Variants in CROCC2 observed in about 807,000 individuals in gnomAD.
The protein encoded by CROCC2 is ciliary rootlet coiled-coil protein 2.
CROCC2 carries 163 observed loss-of-function variants against 177.6 expected under a neutral mutation model. That is an observed-to-expected ratio of 0.92 (90% CI 0.81 to 1.05). The LOEUF (loss-of-function observed/expected upper bound fraction) is 1.05. CROCC2 is among the 50% of genes least tolerant of loss of function. The pLI is 0.00. For missense variants in CROCC2, 1,929 were observed against 1,797.8 expected, an observed-to-expected ratio of 1.07 and a Z score of -1.32; for synonymous variants, 904 against 787.3, an observed-to-expected ratio of 1.15 and a Z score of -2.48.
intron 2 of CROCC2, among the ~76,000 whole-genome samples, chr2:240,919,387 C>A (rs2059343561): frequency 6.6e-6 from 1 of 152,144 alleles, no homozygotes; most frequent in South Asian, 2.1e-4. Context: ...AGCACAGACG[C>A]CCACCCCCCT....
At chr2:240,954,324 A>G (rs1432757722) in intron 18 of CROCC2, among the ~76,000 whole-genome samples, 1 of 152,192 alleles carries the variant, frequency 6.6e-6, no homozygotes, top group African/African-American at 2.4e-5. Context: ...ACCATCCACA[A>G]GTCCGGGGGT....
chr2:240,919,824 G>A (rs940005411), intron 2 of CROCC2, among the ~76,000 whole-genome samples, 159 bp from the exon 3 acceptor site: 4 of 152,162 alleles, frequency 2.6e-5, no homozygotes, highest in African/African-American at 9.7e-5. Flanking sequence ...CTATGTTAGG[G>A]TCCCGGGCTC....
intron 19 of CROCC2, among the ~76,000 whole-genome samples, chr2:240,956,958 G>A (rs2059595122): frequency 2.0e-5 from 3 of 152,198 alleles, no homozygotes; most frequent in Admixed American, 2.0e-4. Flanking sequence ...CATAGATGCA[G>A]GAGTTACAGC....
chr2:240,975,159 T>C (rs1018543390), intron 27 of CROCC2, among the ~76,000 whole-genome samples: 2 of 152,196 alleles, frequency 1.3e-5, no homozygotes, highest in African/African-American at 4.8e-5. Context: ...CCAAGAAAAT[T>C]TTGAAAGTGA....
At chr2:240,907,472 G>A (rs1559585175) in intron 1 of CROCC2, among the ~76,000 whole-genome samples, 1 of 152,150 alleles carries the variant, frequency 6.6e-6, no homozygotes, top group Non-Finnish European at 1.5e-5. Context: ...CTTACTCATG[G>A]TTGCTTGTTA....
rs1175870585 is a variant in CROCC2, at chr2:240,953,615, T to C, written c.2830-2244T>C. On this transcript the variant is annotated intron_variant, in intron 18 of 31. Transcript: ENST00000690015. The surrounding 1 kb of genome is among the most constrained non-coding windows in gnomAD (Gnocchi z 4.0). ...GACCTCTGCTTGGCCAGCTGCCCTT[T>C]ATTCTTGGCGGCCTGTGTAGAGAAA... Among the ~76,000 whole-genome samples the C allele has an allele frequency of 6.6e-6, 1 of 152,168 alleles. No individual in the cohort carries two copies. The highest frequency in any genetic ancestry group is 1.9e-4 in the East Asian group (1 of 5,174).
chr2:240,910,829 T>C (rs2059282462), intron 1 of CROCC2, among the ~76,000 whole-genome samples: 1 of 152,256 alleles, frequency 6.6e-6, no homozygotes, highest in African/African-American at 2.4e-5. Context: ...TTCAGCCTTT[T>C]TAAAAATTTC....
rs1011058986 is a variant in CROCC2 at position 240,953,748 on chromosome 2, G to C, written c.2830-2111G>C. On this transcript the variant is annotated intron_variant, in intron 18 of 31. Transcript: ENST00000690015. This position sits in a 1 kb window ranked among gnomAD's most constrained non-coding sequence, Gnocchi z 4.0. ...AACAGTCTTTGGGGATCTTATTTCT[G>C]TAATGAAGAAGAGGAATTATATGTG... Among the ~76,000 whole-genome samples the C allele has an allele frequency of 1.3e-5, 2 of 152,166 alleles. No homozygotes were observed. The highest frequency in any genetic ancestry group is 4.8e-5 in the African/African-American group (2 of 41,422).
At chr2:240,915,087 G>C (rs1328962938) in intron 1 of CROCC2, among the ~76,000 whole-genome samples, 1 of 151,952 alleles carries the variant, frequency 6.6e-6, no homozygotes, top group Non-Finnish European at 1.5e-5. Context: ...GTGCGCTGTG[G>C]CTCCACCCCA....
At chr2:240,936,109 C>T (rs994609212) in intron 14 of CROCC2, among the ~76,000 whole-genome samples, 9 of 152,296 alleles carry the variant, frequency 5.9e-5, no homozygotes, top group South Asian at 2.1e-4. Context: ...ACTCAGATTC[C>T]GCAGCCCCCG....
intron 18 of CROCC2, among the ~76,000 whole-genome samples, chr2:240,952,001 T>C (rs2059559119): frequency 1.3e-5 from 2 of 152,180 alleles, no homozygotes; most frequent in African/African-American, 4.8e-5. Context: ...AATGGACACA[T>C]GAACACGTCC....
chr2:240,935,562 G>A lies in CROCC2; in HGVS notation c.2143G>A (p.Ala715Thr), dbSNP rs2059463741. The A allele has an allele frequency of 3.7e-6, 5 of 1,351,304 alleles. No individual in the cohort carries two copies. In the East Asian group the frequency reaches 9.0e-5, roughly 24 times the overall value. 83.7% of individuals were successfully genotyped at this position (1,351,304 alleles called of 1,614,324 possible). Reference protein sequence around the residue: ...GQAALLGREKAQLQEQVGQVT... With the variant: ...GQAALLGREKTQLQEQVGQVT... ...GGCAGCCCTGCTGGGGCGAGAGAAG[G>A]CCCAGCTCCAGGAGCAGGTGGGCCA... Residue 715 changes from alanine to threonine, a missense_variant, in exon 14 of 32, where the codon GCC becomes ACC. By Grantham distance (58) the Ala-to-Thr change is moderately conservative (BLOSUM62 0). Transcript: ENST00000690015.
At chr2:240,967,978 C>T (rs1453357515) in intron 26 of CROCC2, among the ~76,000 whole-genome samples, 151 bp from the exon 27 acceptor site, 8 of 152,164 alleles carry the variant, frequency 5.3e-5, no homozygotes, top group African/African-American at 1.9e-4. Flanking sequence ...GAAGCCGGGA[C>T]CCTGGGGCAG....
intron 1 of CROCC2, among the ~76,000 whole-genome samples, chr2:240,907,771 G>C (rs78733876): frequency 2.1e-5 from 3 of 145,064 alleles, no homozygotes; most frequent in African/African-American, 7.6e-5. Context: ...TCCACCTGGC[G>C]TGAGCTCTAC....
Position 240,934,970 on chromosome 2 carries a change from G to C in CROCC2, c.1846G>C (p.Gly616Arg). 2.0e-6 allele frequency: 3 copies of C among 1,510,020 alleles called. No homozygotes were observed. Among genetic ancestry groups the C allele is most frequent in the Non-Finnish European group, 2.7e-6 (3 of 1,127,804 alleles). 93.5% of individuals were successfully genotyped at this position (1,510,020 alleles called of 1,614,324 possible). The change falls in exon 13 of 32, where the codon GGA (glycine) becomes CGA (arginine). Residue 616 changes from glycine (G) to arginine (R), a missense_variant. Around this residue, in one of 3 missense-constraint regions of CROCC2, gnomAD observed 1,397 missense variants for 1,239.9 expected, o/e 1.13. Transcript: ENST00000690015. ...TCTTGTGAGGCGGCTGAAGTCGGAGGGAGTGGAGCAAAGGGACTCCCTGGC... is the reference window on the plus strand; with the variant it reads ...TCTTGTGAGGCGGCTGAAGTCGGAGCGAGTGGAGCAAAGGGACTCCCTGGC... ...ELLVRRLKSE[G>R]VEQRDSLAAM...
At position 240,972,025 on chromosome 2, in the gene CROCC2, T is replaced by C. The variant is rs2059724424; in HGVS notation, c.4401+3763T>C. On this transcript the variant is annotated intron_variant, in intron 27 of 31. Coordinates refer to ENST00000690015, the MANE Select transcript of CROCC2 (RefSeq NM_001351305.2). This position sits in a 1 kb window ranked among gnomAD's most constrained non-coding sequence, Gnocchi z 7.1. Reference sequence around the variant, plus strand: ...ACACTAGTTACCATCTTCTGGTGTGTGTCAGTAGCTCACTTCTCTGTTTAA... The same window carrying C: ...ACACTAGTTACCATCTTCTGGTGTGCGTCAGTAGCTCACTTCTCTGTTTAA... 6.6e-6 allele frequency among the ~76,000 whole-genome samples: 1 copy of C among 152,158 alleles called. No homozygotes were observed. The highest frequency in any genetic ancestry group is 2.4e-5 in the African/African-American group (1 of 41,450).
intron 20 of CROCC2, among the ~76,000 whole-genome samples, chr2:240,961,698 GTGCACACACATGCA>G (rs1302117811): frequency 1.5e-5 from 2 of 136,332 alleles, no homozygotes; most frequent in Non-Finnish European, 3.1e-5. Context: ...GCATACGGAC[GTGCACACACATGCA>G]TGCACACACA....
chr2:240,983,617 C>T (rs2059817136), intron 28 of CROCC2: 1 of 1,284,898 alleles, frequency 7.8e-7, no homozygotes, highest in East Asian at 5.7e-5. Flanking sequence ...GAAGGAGGAG[C>T]TCCTGGCTGG....
At chr2:240,959,150 C>G in intron 19 of CROCC2, 151 bp from the exon 20 acceptor site, 1 of 854,028 alleles carries the variant, frequency 1.2e-6, no homozygotes, top group Non-Finnish European at 1.7e-6. Flanking sequence ...AAACCAAGGG[C>G]CAGTTACCCC....
Sources: allele counts gnomAD v4.1 joint callset (sites outside exome capture counted in the v4.1 genomes callset), GRCh38; gene constraint gnomAD v4.1.1; regional missense constraint gnomAD v4.1.1; non-coding constraint Gnocchi (gnomAD v3.1); transcripts MANE v1.5; gene names NCBI Gene and HGNC (gene_info 2026-07-23, HGNC 2026-07-21).